The following EPHA6 variants were observed in gnomAD, a reference collection of about 807,000 sequenced individuals.
The protein encoded by EPHA6 is ephrin type-A receptor 6.
EPHA6 carries 50 observed loss-of-function variants against 112.0 expected under a neutral mutation model. The ratio of observed to expected loss-of-function variants is 0.45; its 90% CI spans 0.36 to 0.56. The LOEUF is 0.56. Ranked by LOEUF, EPHA6 falls within the 20% of genes least tolerant of loss-of-function variation. The probability of loss-of-function intolerance (pLI) is 0.00; values close to 1 mark genes in which losing one functional copy is unlikely to be tolerated. For missense variants in EPHA6, 1,280 were observed against 1,417.4 expected (o/e 0.90, Z 1.56); for synonymous variants, 529 against 490.7 (o/e 1.08, Z -1.03).
rs527418695 is a variant in EPHA6 at position 97,231,283 on chromosome 3, C to T, written c.1270+4864C>T. Among the ~76,000 whole-genome samples, 420 of 152,264 alleles carry T rather than the reference C, an allele frequency of 2.8e-3. 4 individuals carry two copies. The South Asian group carries it at 0.046, about 17-fold the overall frequency. On this transcript the variant is annotated intron_variant, in intron 4 of 17. Transcript: ENST00000389672. ...CAGGAAGCTTTCTTTCTCAAGGCTT[C>T]TCTCTTCTACTTTTTTAAGAGCTTA...
chr3:97,105,403 T>C (rs1377437644), intron 3 of EPHA6, among the ~76,000 whole-genome samples: 1 of 152,314 alleles, frequency 6.6e-6, no homozygotes, highest in African/African-American at 2.4e-5. Context: ...TTAATTTCAT[T>C]ATTTATCCAA....
intron 10 of EPHA6, among the ~76,000 whole-genome samples, chr3:97,492,820 C>T (rs2091883707): frequency 6.6e-6 from 1 of 151,612 alleles, no homozygotes; most frequent in Non-Finnish European, 1.5e-5. Context: ...GATTGTCAAG[C>T]TGTAGAAAAG....
At chr3:97,348,374 G>T (rs567219460) in intron 5 of EPHA6, among the ~76,000 whole-genome samples, 1 of 151,830 alleles carries the variant, frequency 6.6e-6, no homozygotes, top group Non-Finnish European at 1.5e-5. Flanking sequence ...AAGTGAATGC[G>T]CATACATATT....
intron 3 of EPHA6, among the ~76,000 whole-genome samples, chr3:97,113,694 A>AT (rs1663467614): frequency 6.6e-6 from 1 of 151,894 alleles, no homozygotes; most frequent in Admixed American, 6.6e-5. Flanking sequence ...CAGAAGTAAC[A>AT]TTTTTTACTT....
intron 3 of EPHA6, among the ~76,000 whole-genome samples, chr3:96,994,634 G>A (rs1231446734): frequency 6.7e-6 from 1 of 149,770 alleles, no homozygotes; most frequent in East Asian, 2.0e-4. Context: ...AGTGGTACTT[G>A]TACTTAGAGA....
chr3:97,423,216 C>G (rs1348214843), intron 6 of EPHA6, among the ~76,000 whole-genome samples: 2 of 152,162 alleles, frequency 1.3e-5, no homozygotes, highest in Non-Finnish European at 1.5e-5. Flanking sequence ...GAAAAACTAT[C>G]TCTCTTCACA....
At chr3:97,249,204 T>C (rs1283795820) in intron 5 of EPHA6, among the ~76,000 whole-genome samples, 1 of 152,162 alleles carries the variant, frequency 6.6e-6, no homozygotes, top group Non-Finnish European at 1.5e-5. Context: ...ATATTTCTTA[T>C]ACATAGGCAA....
intron 2 of EPHA6, among the ~76,000 whole-genome samples, chr3:96,971,330 C>T (rs72916479): frequency 0.013 from 1,976 of 152,074 alleles, 48 homozygotes; most frequent in African/African-American, 0.044. Context: ...CCAGATACAC[C>T]ACTGAATTCT....
intron 12 of EPHA6, among the ~76,000 whole-genome samples, chr3:97,599,702 A>C (rs1452109420): frequency 2.0e-5 from 3 of 152,124 alleles, no homozygotes; most frequent in African/African-American, 7.2e-5. Flanking sequence ...AGATAGTGTG[A>C]TGCCTCCAGC....
chr3:97,207,399 G>A (rs924915640), intron 3 of EPHA6, among the ~76,000 whole-genome samples: 2 of 152,082 alleles, frequency 1.3e-5, no homozygotes, highest in Non-Finnish European at 2.9e-5. Context: ...AGATGGTCAA[G>A]GAATCAAACC....
chr3:97,310,877 A>G (rs999412721), intron 5 of EPHA6, among the ~76,000 whole-genome samples: 28 of 151,752 alleles, frequency 1.8e-4, no homozygotes, highest in Non-Finnish European at 4.4e-5. Context: ...TTTGTATGGT[A>G]CAATGAAGAT....
intron 11 of EPHA6, among the ~76,000 whole-genome samples, chr3:97,555,343 G>T (rs2093090466): frequency 6.6e-6 from 1 of 152,064 alleles, no homozygotes; most frequent in Non-Finnish European, 1.5e-5. Flanking sequence ...TGGACATTTG[G>T]GTTGGTTCTA....
intron 4 of EPHA6, among the ~76,000 whole-genome samples, chr3:97,240,262 G>A (rs2078804969): frequency 6.6e-6 from 1 of 151,816 alleles, no homozygotes. Flanking sequence ...GGTTCAGTGT[G>A]TTCCTTTAAT....
intron 3 of EPHA6, among the ~76,000 whole-genome samples, chr3:97,028,783 TAATAA>T (rs2044725704): frequency 6.6e-6 from 1 of 152,002 alleles, no homozygotes. Flanking sequence ...TACAACTTAT[TAATAA>T]AATATTTATA....
Position 97,532,506 on chromosome 3 carries a change from T to C in EPHA6, c.2349T>C (p.His783=). 6.2e-7 allele frequency: 1 copy of C among 1,611,284 alleles called. No homozygotes were observed. The highest frequency in any genetic ancestry group is 8.5e-7 in the Non-Finnish European group (1 of 1,178,484). The part of the protein sequence containing the change: ...REASIMGQFD[H]PNIIRLEGVV... The stretch of plus-strand genomic sequence containing the variant: ...CTAGTATCATGGGCCAGTTTGACCA[T>C]CCAAACATCATTCGCCTAGAAGGGG... Residue 783 remains histidine (H), a synonymous_variant, in exon 11 of 18, where the codon CAT becomes CAC. Coordinates refer to ENST00000389672, the MANE Select transcript of EPHA6 (RefSeq NM_001080448.3).
chr3:97,722,486 A>T (rs2034573236), intron 15 of EPHA6, among the ~76,000 whole-genome samples: 1 of 152,106 alleles, frequency 6.6e-6, no homozygotes, highest in Non-Finnish European at 1.5e-5. Context: ...ATTCCAATAA[A>T]CTTCTAGACT....
intron 3 of EPHA6, among the ~76,000 whole-genome samples, chr3:97,082,654 T>A (rs1170771921): frequency 6.6e-6 from 1 of 151,924 alleles, no homozygotes; most frequent in Non-Finnish European, 1.5e-5. Context: ...CTACTATTTA[T>A]GCTATTAATT....
rs558302423 is a variant in EPHA6 at position 97,662,584 on chromosome 3, C to T, written c.2784+24502C>T. 2.2e-3 allele frequency among the ~76,000 whole-genome samples: 333 copies of T among 152,278 alleles called. 4 individuals carry two copies. The highest frequency in any genetic ancestry group is 7.9e-3 in the African/African-American group (328 of 41,562). The stretch of plus-strand genomic sequence containing the variant: ...CCAAAATAAATATTCTCCGCTCCTC[C>T]TTCAGCTAATTTCCCTTAGAGAAGA... On this transcript the variant is annotated intron_variant, in intron 14 of 17. Transcript: ENST00000389672.
At chr3:97,512,990 A>G (rs187038856) in intron 10 of EPHA6, among the ~76,000 whole-genome samples, 33 of 152,302 alleles carry the variant, frequency 2.2e-4, no homozygotes, top group Non-Finnish European at 2.1e-4. Flanking sequence ...ACTATTGAAA[A>G]TGTTTAGTGT....
Sources: gnomAD v4.1 joint callset for allele counts (sites outside exome capture counted in the v4.1 genomes callset) on GRCh38, gnomAD v4.1.1 for gene constraint, MANE v1.5 for transcripts, NCBI Gene and HGNC (gene_info 2026-07-23, HGNC 2026-07-21) for gene names.